EYS: variants seen among roughly 807,000 people sequenced by gnomAD.
EYS encodes the protein EGF-like photoreceptor maintenance factor.
Under a neutral mutation model 282.1 loss-of-function variants are expected in EYS, and 250 were observed. The ratio of observed to expected loss-of-function variants is 0.89; its 90% confidence interval spans 0.80 to 0.98. EYS has a LOEUF of 0.98. Among genes scored for constraint, EYS ranks in the 50% least tolerant of loss-of-function variants. The probability of loss-of-function intolerance (pLI) is 0.00; values close to 1 mark genes in which losing one functional copy is unlikely to be tolerated. For synonymous variants in EYS, 1,355 were observed against 1,282.9 expected (o/e 1.06, Z -1.20); for missense variants, 4,016 against 3,709.0 (o/e 1.08, Z -2.15).
At chr6:63,953,696 C>T (rs552880736) in intron 35 of EYS, among the ~76,000 whole-genome samples, 2 of 152,158 alleles carry the variant, frequency 1.3e-5, no homozygotes, top group South Asian at 2.1e-4. Context: ...TCTTTCCCCA[C>T]TCCCCTTTCC....
chr6:65,146,046 G>A (rs1021145134), intron 12 of EYS, among the ~76,000 whole-genome samples: 1 of 151,198 alleles, frequency 6.6e-6, no homozygotes, highest in African/African-American at 2.4e-5. Flanking sequence ...TTTATTTCAG[G>A]TATCAATAGG....
At chr6:64,372,806 G>A (rs1772426781) in intron 29 of EYS, among the ~76,000 whole-genome samples, 1 of 152,122 alleles carries the variant, frequency 6.6e-6, no homozygotes, top group Non-Finnish European at 1.5e-5. Context: ...TAAACTCTGA[G>A]ATTGTTTCCT....
chr6:63,798,475 A>G (rs958228509), intron 37 of EYS, among the ~76,000 whole-genome samples: 1 of 152,174 alleles, frequency 6.6e-6, no homozygotes, highest in Non-Finnish European at 1.5e-5. Flanking sequence ...TTTCTGTTAT[A>G]AAAAATTGAA....
intron 26 of EYS, among the ~76,000 whole-genome samples, chr6:64,578,342 G>A (rs561765749): frequency 4.6e-5 from 7 of 151,940 alleles, no homozygotes; most frequent in Admixed American, 6.6e-5. Flanking sequence ...CCACACTGTC[G>A]CCCCTGATGA....
intron 1 of EYS, among the ~76,000 whole-genome samples, chr6:65,659,720 C>T (rs1050010979): frequency 1.1e-4 from 17 of 151,522 alleles, no homozygotes; most frequent in African/African-American, 4.1e-4. Context: ...TTTTTTGACA[C>T]ACAAACATTA....
intron 7 of EYS, among the ~76,000 whole-genome samples, chr6:65,402,118 T>G (rs1766530970): frequency 6.6e-6 from 1 of 151,730 alleles, no homozygotes; most frequent in Admixed American, 6.6e-5. Context: ...TTAAAATATT[T>G]CAATATTATA....
chr6:63,833,224 A>C (rs1411804800), intron 36 of EYS, among the ~76,000 whole-genome samples: 1 of 152,166 alleles, frequency 6.6e-6, no homozygotes, highest in Non-Finnish European at 1.5e-5. Flanking sequence ...CAGGGCAATC[A>C]AGCAAGAGAA....
At chr6:65,186,486 C>T (rs1765519970) in intron 12 of EYS, among the ~76,000 whole-genome samples, 1 of 151,614 alleles carries the variant, frequency 6.6e-6, no homozygotes, top group South Asian at 2.1e-4. Flanking sequence ...ATATTTGTCA[C>T]TAAGCCTATT....
intron 26 of EYS, among the ~76,000 whole-genome samples, chr6:64,506,417 T>A (rs1777206616): frequency 6.6e-6 from 1 of 152,198 alleles, no homozygotes; most frequent in South Asian, 2.1e-4. Flanking sequence ...TTAGTTCTAA[T>A]CTAACATTAA....
intron 31 of EYS, among the ~76,000 whole-genome samples, chr6:64,184,469 AG>A (rs1764876650): frequency 6.6e-6 from 1 of 152,138 alleles, no homozygotes; most frequent in South Asian, 2.1e-4. Context: ...CACTTCTGTA[AG>A]TAAGAAAAAG....
intron 22 of EYS, chr6:64,631,332 T>C (rs1350749150): frequency 6.6e-6 from 1 of 152,164 alleles, no homozygotes. Flanking sequence ...TTACAACCTG[T>C]TGTTGCAGAT....
intron 35 of EYS, among the ~76,000 whole-genome samples, chr6:63,972,723 C>T (rs1419284760): frequency 6.6e-6 from 1 of 151,964 alleles, no homozygotes; most frequent in African/African-American, 2.4e-5. Flanking sequence ...CCGGTGTGTG[C>T]TGTTCCTCTC....
chr6:64,502,436 T>C (rs766272901), intron 26 of EYS, among the ~76,000 whole-genome samples: 2 of 152,250 alleles, frequency 1.3e-5, no homozygotes, highest in Non-Finnish European at 2.9e-5. Context: ...TTAGCCAGGA[T>C]GGTCTCGATC....
At chr6:64,061,138 GGGGGAATA>G (rs1456745909) in intron 33 of EYS, among the ~76,000 whole-genome samples, 2 of 152,132 alleles carry the variant, frequency 1.3e-5, no homozygotes, top group African/African-American at 4.8e-5. Flanking sequence ...ATCTAAGGAA[GGGGGAATA>G]GGCTATGTGC....
chr6:63,858,558 T>C lies in EYS; in HGVS notation c.7228+5628A>G, dbSNP rs1772452338. ...CCCTCAGTTCTTATGGAATAAAAAGTGCAGGCCATTCAAAGTCTGCCTTCA... is the reference window on the plus strand; with the variant it reads ...CCCTCAGTTCTTATGGAATAAAAAGCGCAGGCCATTCAAAGTCTGCCTTCA... On this transcript the variant is annotated intron_variant, in intron 36 of 42. Coordinates refer to ENST00000503581, the MANE Select transcript of EYS (RefSeq NM_001142800.2). 5.3e-5 allele frequency among the ~76,000 whole-genome samples: 8 copies of C among 152,208 alleles called. No homozygotes were observed. In the South Asian group the frequency reaches 1.7e-3, roughly 32 times the overall value.
At chr6:65,153,849 A>G (rs997119492) in intron 12 of EYS, among the ~76,000 whole-genome samples, 1 of 151,866 alleles carries the variant, frequency 6.6e-6, no homozygotes, top group African/African-American at 2.4e-5. Context: ...TTAAAATATC[A>G]TTGTTAAGTA....
intron 31 of EYS, among the ~76,000 whole-genome samples, chr6:64,207,536 T>A (rs1488770920): frequency 6.6e-6 from 1 of 152,158 alleles, no homozygotes; most frequent in African/African-American, 2.4e-5. Context: ...ACCTCAGTCT[T>A]AATTATCTGA....
intron 31 of EYS, among the ~76,000 whole-genome samples, chr6:64,151,329 A>ATT (rs1774710848): frequency 1.0e-5 from 1 of 96,074 alleles, no homozygotes; most frequent in South Asian, 2.8e-4. Flanking sequence ...ATATATATAT[A>ATT]TATATATATA....
chr6:65,686,738 A>G (rs1369259082), intron 1 of EYS, among the ~76,000 whole-genome samples: 4 of 152,082 alleles, frequency 2.6e-5, no homozygotes, highest in Non-Finnish European at 5.9e-5. Context: ...TTTTTCCTAA[A>G]AGGCAAATAG....
Sources: allele counts gnomAD v4.1 joint callset (sites outside exome capture counted in the v4.1 genomes callset), GRCh38; gene constraint gnomAD v4.1.1; transcripts MANE v1.5; gene names NCBI Gene and HGNC (gene_info 2026-07-23, HGNC 2026-07-21).